The following SLC30A5 variants were observed in gnomAD, a reference collection of about 807,000 sequenced individuals.
SLC30A5 encodes the protein proton-coupled zinc antiporter SLC30A5.
A neutral mutation model predicts 79.6 loss-of-function variants in SLC30A5; 33 were observed. The ratio of observed to expected loss-of-function variants is 0.41; its 90% confidence interval spans 0.31 to 0.55. SLC30A5 has a LOEUF of 0.55. SLC30A5 is among the 20% of genes least tolerant of loss of function. SLC30A5 has a pLI of 0.20. For missense variants in SLC30A5, 788 were observed against 928.1 expected (o/e 0.85, Z 1.96); for synonymous variants, 299 against 319.7 (o/e 0.94, Z 0.69).
chr5:69,100,946 GTT>G lies in SLC30A5; in HGVS notation c.206+22_206+23del, dbSNP rs1554052517. On this transcript the variant is annotated intron_variant, in intron 2 of 15. Transcript: ENST00000396591. The stretch of plus-strand genomic sequence containing the variant: ...AAAACTTGGGTGAGTGTGGGGGGGG[GTT>G]TTTTCTTGATATTTTTTATTTCTTT... 128 of 1,355,670 alleles carry G rather than the reference GTT, an allele frequency of 9.4e-5. 1 individual carries two copies. In the South Asian group the frequency reaches 1.7e-3, roughly 18 times the overall value. 84.0% of individuals were successfully genotyped at this position (1,355,670 alleles called of 1,614,324 possible).
intron 2 of SLC30A5, 49 bp downstream of exon 2, chr5:69,100,978 A>G: frequency 6.6e-7 from 1 of 1,513,610 alleles, no homozygotes; most frequent in Non-Finnish European, 8.9e-7. Flanking sequence ...TTCTTTGAAA[A>G]TCCTGTTTTA....
intron 5 of SLC30A5, 133 bp downstream of exon 5, chr5:69,108,569 C>A (rs1286667780): frequency 2.7e-6 from 2 of 740,578 alleles, no homozygotes; most frequent in Admixed American, 4.5e-5. Context: ...CGCCTGTAAT[C>A]CCAACACTGT....
chr5:69,116,979 A>G lies in SLC30A5; in HGVS notation c.1282-260A>G, dbSNP rs887276482. Among the ~76,000 whole-genome samples the G allele has an allele frequency of 2.6e-5, 4 of 152,194 alleles. No individual in the cohort carries two copies. Among genetic ancestry groups the G allele is most frequent in the African/African-American group, 9.6e-5 (4 of 41,460 alleles). ...TTTTATAACCTAGTTTATTATTTTT[A>G]TAGACATATAAACAAAACCATTTTT... is the stretch of plus-strand genomic sequence containing the variant. On this transcript the variant is annotated intron_variant, in intron 10 of 15. Transcript: ENST00000396591. The surrounding 1 kb of genome is among the most constrained non-coding windows in gnomAD (Gnocchi z 4.0).
At position 69,116,398 on chromosome 5, in the gene SLC30A5, C is replaced by A. The variant is rs1746374235; in HGVS notation, c.1077C>A (p.Ala359=). 1.3e-6 allele frequency: 2 copies of A among 1,576,212 alleles called. No homozygotes were observed. The highest frequency in any genetic ancestry group is 4.5e-5 in the East Asian group (2 of 44,492). The change falls in exon 10 of 16, where the codon GCC becomes GCA. Residue 359 remains alanine, a synonymous_variant. Transcript: ENST00000396591. This position sits in a 1 kb window ranked among gnomAD's most constrained non-coding sequence, Gnocchi z 4.0. ...VVSAIFFILS[A]NILSSPSKRG... is the part of the protein sequence containing the mutation. Reference sequence around the variant, plus strand: ...TATTGTTTTTTCTCTTTGTAGCTGCCAATATCTTATCATCTCCCTCTAAGA... The same window carrying A: ...TATTGTTTTTTCTCTTTGTAGCTGCAAATATCTTATCATCTCCCTCTAAGA...
chr5:69,108,550 G>A (rs955533343), intron 5 of SLC30A5, 114 bp downstream of exon 5: 58 of 828,774 alleles, frequency 7.0e-5, no homozygotes, highest in East Asian at 6.8e-4. Context: ...GGCTGAGCGC[G>A]ATGGCTCACG....
intron 3 of SLC30A5, chr5:69,103,985 T>A (rs1274021734): frequency 6.4e-7 from 1 of 1,567,680 alleles, no homozygotes. Flanking sequence ...TAAAAATTCC[T>A]GGTAGAAAAG....
At chr5:69,118,358 TATG>T (rs1233043065) in intron 11 of SLC30A5, 138 bp from the exon 12 acceptor site, 3 of 386,438 alleles carry the variant, frequency 7.8e-6, no homozygotes, top group Admixed American at 9.4e-5. Context: ...CAGGCATTAA[TATG>T]ATATTTAAAA....
chr5:69,104,150 T>G (rs1746013959), intron 3 of SLC30A5: 1 of 1,308,634 alleles, frequency 7.6e-7, no homozygotes, highest in Non-Finnish European at 1.0e-6. Context: ...TTTTCTTTCT[T>G]TTTTTGAGAA....
intron 5 of SLC30A5, among the ~76,000 whole-genome samples, chr5:69,111,350 G>C (rs1746229004): frequency 6.9e-6 from 1 of 144,002 alleles, no homozygotes; most frequent in African/African-American, 2.6e-5. Flanking sequence ...TGTCACCCAG[G>C]CTGGTGTGCA....
chr5:69,098,321 T>C (rs953471397), intron 1 of SLC30A5, among the ~76,000 whole-genome samples: 2 of 152,118 alleles, frequency 1.3e-5, no homozygotes, highest in Non-Finnish European at 2.9e-5. Context: ...GTCAGAAGTA[T>C]GAGACCAGCC....
At chr5:69,127,335 G>A (rs1252759887) in intron 14 of SLC30A5, among the ~76,000 whole-genome samples, 1 of 152,030 alleles carries the variant, frequency 6.6e-6, no homozygotes. Flanking sequence ...TAGGTATAAA[G>A]ATAACTGTAA....
At position 69,094,513 on chromosome 5, in the gene SLC30A5, C is replaced by G. The variant is rs190983637; in HGVS notation, c.83+175C>G. ...CGGGCTCCCCGGGCTCTTCGGGTGC[C>G]TGCTGCAGAAGGAAGGCGCTAAAGC... On this transcript the variant is annotated intron_variant, in intron 1 of 15. Transcript: ENST00000396591. Among the ~76,000 whole-genome samples the G allele has an allele frequency of 4.9e-3, 739 of 152,214 alleles. 7 individuals are homozygous for G. Among genetic ancestry groups the G allele is most frequent in the African/African-American group, 0.017 (696 of 41,556 alleles).
At chr5:69,118,718 T>A in intron 12 of SLC30A5, 90 bp downstream of exon 12, 1 of 1,121,778 alleles carries the variant, frequency 8.9e-7, no homozygotes, top group Non-Finnish European at 1.2e-6. Context: ...GTTATTGCTC[T>A]AAGAAGGTTT....
intron 7 of SLC30A5, 57 bp from the exon 8 acceptor site, chr5:69,115,180 C>T (rs989080515): frequency 1.5e-5 from 13 of 867,410 alleles, no homozygotes; most frequent in East Asian, 8.3e-5. Flanking sequence ...ATGTATTTAA[C>T]GACTGACTGT....
Position 69,116,615 on chromosome 5 carries a change from A to G in SLC30A5, c.1281+13A>G. 6.7e-7 allele frequency: 1 copy of G among 1,489,246 alleles called. No individual in the cohort carries two copies. The allele number at this position is 1,489,246 out of a possible 1,614,324, so 92.3% of individuals were successfully genotyped here. On this transcript the variant is annotated intron_variant, in intron 10 of 15. Transcript: ENST00000396591. This position sits in a 1 kb window ranked among gnomAD's most constrained non-coding sequence, Gnocchi z 4.0. ...GTGCTTGAATCTGGTAAGATTTTTA[A>G]ATGTTAATTGACATATCCTAAAAGC...
At chr5:69,109,783 T>A (rs2111962767) in intron 5 of SLC30A5, among the ~76,000 whole-genome samples, 1 of 152,304 alleles carries the variant, frequency 6.6e-6, no homozygotes, top group East Asian at 1.9e-4. Flanking sequence ...TGTTTCTGTT[T>A]TACCAAATTA....
Position 69,129,881 on chromosome 5 carries a change from T to C in SLC30A5, c.*264T>C, listed in dbSNP as rs146462226. ...GTATTACATCATCTTCAAAAATAGA[T>C]ATGATGGATTCTAGTGAAGACCAAA... On this transcript the variant is annotated 3_prime_UTR_variant, in exon 16 of 16. Coordinates refer to ENST00000396591, the MANE Select transcript of SLC30A5 (RefSeq NM_022902.5). 917 of 246,068 alleles carry C rather than the reference T, an allele frequency of 3.7e-3. 41 individuals carry two copies. The Admixed American group carries it at 0.044, about 12-fold the overall frequency. 15.2% of individuals were successfully genotyped at this position (246,068 alleles called of 1,614,324 possible). A position where few individuals can be genotyped will look rare whatever the true frequency, so the allele number is the denominator to read the frequency against.
chr5:69,096,127 G>T (rs1158966367), intron 1 of SLC30A5, among the ~76,000 whole-genome samples: 1 of 152,126 alleles, frequency 6.6e-6, no homozygotes, highest in South Asian at 2.1e-4. Flanking sequence ...TTTTATAAGA[G>T]AATGTCCACG....
At chr5:69,095,822 G>A (rs566417925) in intron 1 of SLC30A5, among the ~76,000 whole-genome samples, 18 of 152,000 alleles carry the variant, frequency 1.2e-4, no homozygotes, top group Non-Finnish European at 2.4e-4. Flanking sequence ...CACTTTGGGA[G>A]GCCAAGGCAG....
Sources: allele counts gnomAD v4.1 joint callset (sites outside exome capture counted in the v4.1 genomes callset), GRCh38; gene constraint gnomAD v4.1.1; non-coding constraint Gnocchi (gnomAD v3.1); transcripts MANE v1.5; gene names NCBI Gene and HGNC (gene_info 2026-07-23, HGNC 2026-07-21).